Variants in CSMD3 observed in about 807,000 individuals in gnomAD.
CSMD3 encodes the protein CUB and sushi domain-containing protein 3.
Under a neutral mutation model 435.2 loss-of-function variants are expected in CSMD3, and 177 were observed. That is an observed-to-expected ratio of 0.41 (90% CI 0.36 to 0.46). The LOEUF (loss-of-function observed/expected upper bound fraction) is 0.46. CSMD3 is among the 20% of genes least tolerant of loss of function. CSMD3 has a pLI of 0.34. For missense variants in CSMD3, 4,265 were observed against 4,504.6 expected (o/e 0.95, Z 1.52); for synonymous variants, 1,656 against 1,520.5 (o/e 1.09, Z -2.07).
chr8:112,601,417 C>T (rs1177717035), intron 22 of CSMD3, among the ~76,000 whole-genome samples: 2 of 152,084 alleles, frequency 1.3e-5, no homozygotes, highest in Non-Finnish European at 2.9e-5. Flanking sequence ...CACTCAACCC[C>T]TTCATGATAT....
At chr8:113,142,635 A>G (rs2091575664) in intron 4 of CSMD3, among the ~76,000 whole-genome samples, 1 of 151,104 alleles carries the variant, frequency 6.6e-6, no homozygotes, top group South Asian at 2.1e-4. Flanking sequence ...GAGATGGTTA[A>G]TGGGTAGACA....
intron 13 of CSMD3, among the ~76,000 whole-genome samples, chr8:112,767,488 A>G (rs2078008403): frequency 6.6e-6 from 1 of 151,842 alleles, no homozygotes; most frequent in Non-Finnish European, 1.5e-5. Context: ...CTAGTTATAC[A>G]TCCAAGTACA....
At chr8:112,763,118 C>T (rs2132157286) in intron 13 of CSMD3, among the ~76,000 whole-genome samples, 1 of 151,714 alleles carries the variant, frequency 6.6e-6, no homozygotes, top group South Asian at 2.1e-4. Flanking sequence ...ATTCATTCCA[C>T]AATGTACATA....
chr8:112,544,404 T>C (rs1446589909), intron 27 of CSMD3, among the ~76,000 whole-genome samples: 1 of 152,142 alleles, frequency 6.6e-6, no homozygotes, highest in Non-Finnish European at 1.5e-5. Context: ...CATATATTAA[T>C]AAAACTGCCC....
chr8:113,233,877 G>A (rs1038884551), intron 3 of CSMD3, among the ~76,000 whole-genome samples: 4 of 152,072 alleles, frequency 2.6e-5, no homozygotes, highest in Admixed American at 2.0e-4. Context: ...AGACTTCTGA[G>A]TTAGATAAAA....
At position 112,809,076 on chromosome 8, in the gene CSMD3, C is replaced by G. The variant is rs151191265; in HGVS notation, c.1860-8802G>C. On this transcript the variant is annotated intron_variant, in intron 12 of 70. Coordinates refer to ENST00000297405, the MANE Select transcript of CSMD3 (RefSeq NM_198123.2). ...TGCAAACAAGCGTGATATTTTTCCC[C>G]TTTGAACTAATGGTTGCCAGACCTA... 3.3e-5 allele frequency among the ~76,000 whole-genome samples: 5 copies of G among 152,256 alleles called. No individual in the cohort carries two copies. The East Asian group carries it at 9.7e-4, about 29-fold the overall frequency.
chr8:113,365,590 C>T (rs1183919611), intron 1 of CSMD3, among the ~76,000 whole-genome samples: 2 of 152,004 alleles, frequency 1.3e-5, no homozygotes, highest in Non-Finnish European at 2.9e-5. Flanking sequence ...AGATTATGTA[C>T]ATTTTAATTC....
intron 59 of CSMD3, among the ~76,000 whole-genome samples, chr8:112,273,030 T>C (rs1383300106): frequency 6.6e-6 from 1 of 152,216 alleles, no homozygotes; most frequent in Non-Finnish European, 1.5e-5. Context: ...TATTTCTCTT[T>C]GAAGAACTGA....
At chr8:113,049,521 G>A in intron 5 of CSMD3, among the ~76,000 whole-genome samples, 1 of 151,944 alleles carries the variant, frequency 6.6e-6, no homozygotes, top group Non-Finnish European at 1.5e-5. Flanking sequence ...CAGATCAACT[G>A]ACAAGAACGA....
intron 1 of CSMD3, among the ~76,000 whole-genome samples, chr8:113,433,308 C>A (rs77921965): frequency 0.018 from 2,805 of 152,190 alleles, 95 homozygotes; most frequent in African/African-American, 0.062. Context: ...GAAAGACTGT[C>A]GCCTTATGGG....
chr8:112,699,370 C>A (rs988575729), intron 13 of CSMD3, among the ~76,000 whole-genome samples: 1 of 152,124 alleles, frequency 6.6e-6, no homozygotes, highest in East Asian at 1.9e-4. Context: ...CCGCTAGGGT[C>A]CACGGCTTCA....
chr8:113,212,062 T>G (rs926131176), intron 3 of CSMD3, among the ~76,000 whole-genome samples: 7 of 152,312 alleles, frequency 4.6e-5, no homozygotes, highest in African/African-American at 1.7e-4. Context: ...AAGCTAGGCA[T>G]TTATACCTTT....
chr8:113,367,371 T>G (rs2094319041), intron 1 of CSMD3, among the ~76,000 whole-genome samples: 1 of 151,998 alleles, frequency 6.6e-6, no homozygotes, highest in African/African-American at 2.4e-5. Flanking sequence ...ATCAGAATTT[T>G]GCCAAATTTA....
chr8:112,932,033 A>G (rs1226654491), intron 9 of CSMD3, among the ~76,000 whole-genome samples: 2 of 152,180 alleles, frequency 1.3e-5, no homozygotes, highest in East Asian at 3.9e-4. Flanking sequence ...GGGGGGCAGT[A>G]TGAAGAGTTC....
intron 5 of CSMD3, among the ~76,000 whole-genome samples, chr8:113,071,343 A>G (rs2089107404): frequency 6.6e-6 from 1 of 151,800 alleles, no homozygotes; most frequent in African/African-American, 2.4e-5. Flanking sequence ...TATAGTCCCA[A>G]TTGTTTATTT....
intron 7 of CSMD3, among the ~76,000 whole-genome samples, chr8:112,956,707 C>A (rs2084032397): frequency 6.6e-6 from 1 of 151,990 alleles, no homozygotes; most frequent in African/African-American, 2.4e-5. Context: ...TATTGGGGGG[C>A]AGTGGCAGTG....
chr8:113,302,305 T>TAC (rs1216355490), intron 2 of CSMD3, among the ~76,000 whole-genome samples: 8 of 114,698 alleles, frequency 7.0e-5, no homozygotes, highest in Non-Finnish European at 1.3e-4. Flanking sequence ...ATATAATATA[T>TAC]ATATTATATA....
intron 6 of CSMD3, among the ~76,000 whole-genome samples, chr8:112,987,706 G>A (rs1467182653): frequency 6.6e-6 from 1 of 152,062 alleles, no homozygotes; most frequent in Non-Finnish European, 1.5e-5. Context: ...TTGTATGTGA[G>A]TCAATATGTT....
rs571709303 is a variant in CSMD3, at chr8:112,245,076, A to C, written c.10223-503T>G. ...TTGTTAAATAAAACCACAGCTAATT[A>C]TATTGCTCTGGTATTAATACTTCCC... On this transcript the variant is annotated intron_variant, in intron 64 of 70. Transcript: ENST00000297405. Among the ~76,000 whole-genome samples, 457 of 152,162 alleles carry C rather than the reference A, an allele frequency of 3.0e-3. 6 individuals are homozygous for C. The highest frequency in any genetic ancestry group is 0.01 in the African/African-American group (431 of 41,542).
Sources: gnomAD v4.1 joint callset for allele counts (sites outside exome capture counted in the v4.1 genomes callset) on GRCh38, gnomAD v4.1.1 for gene constraint, MANE v1.5 for transcripts, NCBI Gene and HGNC (gene_info 2026-07-23, HGNC 2026-07-21) for gene names.